The following IGLON5 variants were observed in gnomAD, a reference collection of about 807,000 sequenced individuals.
IGLON5 encodes the protein Ig-like domain-containing protein ENSP00000270642.
IGLON5 carries 16 observed loss-of-function variants against 38.2 expected under a neutral mutation model. The observed-to-expected ratio is 0.42, with a 90% CI of 0.28 to 0.64. IGLON5 has a LOEUF of 0.64. Among genes scored for constraint, IGLON5 ranks in the 30% least tolerant of loss-of-function variants. IGLON5 has a pLI of 0.23. For missense variants in IGLON5, 366 were observed against 483.4 expected (o/e 0.76, Z 2.28); for synonymous variants, 207 against 216.4 (o/e 0.96, Z 0.38).
chr19:51,321,236 G>A (rs1292089545), intron 1 of IGLON5, among the ~76,000 whole-genome samples: 2 of 152,266 alleles, frequency 1.3e-5, no homozygotes, highest in South Asian at 2.1e-4. Context: ...GGAGTGCAAT[G>A]GCGTGATCTT....
chr19:51,322,017 G>C (rs369347668), intron 1 of IGLON5, 47 bp from the exon 2 acceptor site: 1 of 1,494,188 alleles, frequency 6.7e-7, no homozygotes, highest in Non-Finnish European at 9.3e-7. Flanking sequence ...TACCATGCCC[G>C]GGCCTTGCCT....
At position 51,326,754 on chromosome 19, in the gene IGLON5, C is replaced by A. The variant is rs762610924; in HGVS notation, c.512-10C>A. On this transcript the variant is annotated splice_polypyrimidine_tract_variant and intron_variant, in intron 4 of 7. Transcript: ENST00000270642. ...CCGGCCCCGCCCCCTCCTCCTCCTT[C>A]CCCCCACAGACGGCTTCACCTCGGA... 5 of 1,543,218 alleles carry A rather than the reference C, an allele frequency of 3.2e-6. No homozygotes were observed. The highest frequency in any genetic ancestry group is 1.7e-6 in the Non-Finnish European group (2 of 1,143,390).
rs938177009 is a variant in IGLON5 at position 51,324,960 on chromosome 19, AAAT to A, written c.392-377_392-375del. Among the ~76,000 whole-genome samples, 6 of 152,044 alleles carry A rather than the reference AAAT, an allele frequency of 3.9e-5. No individual in the cohort carries two copies. The highest frequency in any genetic ancestry group is 1.2e-4 in the African/African-American group (5 of 41,392). On this transcript the variant is annotated intron_variant, in intron 3 of 7. Coordinates refer to ENST00000270642, the MANE Select transcript of IGLON5 (RefSeq NM_001101372.3). The surrounding 1 kb of genome is among the most constrained non-coding windows in gnomAD (Gnocchi z 4.2). ...GGTATTTGTTAAATAAATTTATTTA[AAAT>A]AATAATAAATACAAATAGAGACGGG...
At chr19:51,313,614 T>C (rs1984824864) in intron 1 of IGLON5, among the ~76,000 whole-genome samples, 2 of 149,594 alleles carry the variant, frequency 1.3e-5, no homozygotes, top group African/African-American at 5.1e-5. Context: ...TCTTTCTTTC[T>C]TTCCTTCTTT....
In IGLON5 at chr19:51,311,965, C is replaced by T. The variant is rs971335741; in HGVS notation, c.79+39C>T. ...GGGGGCGGGGGGCTCGGCCGGGACG[C>T]CAGGGTCTTGGGTGGGTAATCGGGG... On this transcript the variant is annotated intron_variant, in intron 1 of 7. Coordinates refer to ENST00000270642, the MANE Select transcript of IGLON5 (RefSeq NM_001101372.3). 8.6e-5 allele frequency: 102 copies of T among 1,180,880 alleles called. No individual in the cohort carries two copies. The Middle Eastern group carries it at 9.2e-4, about 11-fold the overall frequency. The allele number at this position is 1,180,880 out of a possible 1,614,324, so 73.2% of individuals were successfully genotyped here.
Position 51,327,162 on chromosome 19 carries a change from T to TC in IGLON5, c.735dup (p.Ala246ArgfsTer9). ...TCCTGCGCTGCGAAGCCATGGCGGT[T>TC]CCCCCCGCGGATTTCCAGTGGTACA... is the stretch of plus-strand genomic sequence containing the variant. On this transcript the variant is annotated frameshift_variant, in exon 6 of 8. Coordinates refer to ENST00000270642, the MANE Select transcript of IGLON5 (RefSeq NM_001101372.3). LOFTEE classifies it high-confidence loss of function. This position sits in a 1 kb window ranked among gnomAD's most constrained non-coding sequence, Gnocchi z 7.1. The TC allele has an allele frequency of 1.2e-6, 2 of 1,612,268 alleles. No homozygotes were observed. Among genetic ancestry groups the TC allele is most frequent in the Non-Finnish European group, 8.5e-7 (1 of 1,179,630 alleles).
At chr19:51,323,332 CTCTGTCCCTCTCTCTA>C (rs1985125576) in intron 2 of IGLON5, among the ~76,000 whole-genome samples, 1 of 152,030 alleles carries the variant, frequency 6.6e-6, no homozygotes, top group African/African-American at 2.4e-5. Flanking sequence ...CTCTCTGGGT[CTCTGTCCCTCTCTCTA>C]GGTCTCTTTC....
At chr19:51,313,637 C>CTTTTT in intron 1 of IGLON5, among the ~76,000 whole-genome samples, 1 of 110,192 alleles carries the variant, frequency 9.1e-6, no homozygotes, top group African/African-American at 6.2e-5. Context: ...CTTTTTCTCT[C>CTTTTT]TCTCTCTCTT....
rs1985177816 is a variant in IGLON5, at chr19:51,325,054, A to C, written c.392-292A>C. The stretch of plus-strand genomic sequence containing the variant: ...ATGAAGGTGGAGAGAGAATAGAGAC[A>C]AGACCAGCAATTAGACAAGAAGATG... On this transcript the variant is annotated intron_variant, in intron 3 of 7. Coordinates refer to ENST00000270642, the MANE Select transcript of IGLON5 (RefSeq NM_001101372.3). The surrounding 1 kb of genome is among the most constrained non-coding windows in gnomAD (Gnocchi z 5.5). Among the ~76,000 whole-genome samples the C allele has an allele frequency of 6.6e-6, 1 of 152,116 alleles. No homozygotes were observed. The highest frequency in any genetic ancestry group is 2.4e-5 in the African/African-American group (1 of 41,426).
At chr19:51,323,553 TG>T in intron 2 of IGLON5, 108 bp from the exon 3 acceptor site, 1 of 848,318 alleles carries the variant, frequency 1.2e-6, no homozygotes, top group Non-Finnish European at 1.9e-6. Flanking sequence ...CACAGGGCTG[TG>T]GTGGGACCTG....
chr19:51,315,987 C>A (rs2123513694), intron 1 of IGLON5, among the ~76,000 whole-genome samples: 1 of 151,980 alleles, frequency 6.6e-6, no homozygotes, highest in East Asian at 1.9e-4. Flanking sequence ...AGCCACCACG[C>A]CCCGCCGGAA....
At chr19:51,319,709 G>T (rs893800285) in intron 1 of IGLON5, among the ~76,000 whole-genome samples, 6 of 152,124 alleles carry the variant, frequency 3.9e-5, no homozygotes, top group African/African-American at 1.4e-4. Flanking sequence ...CAATATGAGC[G>T]CTCCTGGGAC....
chr19:51,319,288 A>G (rs546508220), intron 1 of IGLON5, among the ~76,000 whole-genome samples: 37 of 137,250 alleles, frequency 2.7e-4, no homozygotes, highest in African/African-American at 1.1e-3. Context: ...TGACTTTCCA[A>G]TTCCCTGTGT....
intron 1 of IGLON5, among the ~76,000 whole-genome samples, chr19:51,312,636 C>A (rs10403256): frequency 6.6e-6 from 1 of 151,902 alleles, no homozygotes; most frequent in African/African-American, 2.4e-5. Flanking sequence ...CTTGGATTCC[C>A]AAGCTCTGAT....
intron 1 of IGLON5, among the ~76,000 whole-genome samples, chr19:51,318,883 C>G (rs945733990): frequency 1.3e-5 from 2 of 152,292 alleles, no homozygotes; most frequent in East Asian, 3.9e-4. Flanking sequence ...TTGGACAGCT[C>G]CCTCTTCCCC....
At position 51,328,847 on chromosome 19, in the gene IGLON5, G is replaced by T. The variant is rs1985280527; in HGVS notation, c.*88G>T. 5 of 860,772 alleles carry T rather than the reference G, an allele frequency of 5.8e-6. No homozygotes were observed. Among genetic ancestry groups the T allele is most frequent in the South Asian group, 3.6e-5 (2 of 55,132 alleles). The allele number at this position is 860,772 out of a possible 1,614,324, so 53.3% of individuals were successfully genotyped here. A position where few individuals can be genotyped will look rare whatever the true frequency, so the allele number is the denominator to read the frequency against. On this transcript the variant is annotated 3_prime_UTR_variant, in exon 8 of 8. Coordinates refer to ENST00000270642, the MANE Select transcript of IGLON5 (RefSeq NM_001101372.3). ...GGGGAGCAAGAGCCGTGGGTCTCGT[G>T]GGGGCAGAAGAGCTCTCGGCCACCA... is the stretch of plus-strand genomic sequence containing the variant.
chr19:51,321,938 G>T, intron 1 of IGLON5, 126 bp from the exon 2 acceptor site: 5 of 769,464 alleles, frequency 6.5e-6, no homozygotes, highest in Non-Finnish European at 1.1e-5. Flanking sequence ...TGTGGTGCAT[G>T]TGTGTGGCAG....
In IGLON5 at chr19:51,327,611, G is replaced by T; in HGVS notation, c.768-121G>T. On this transcript the variant is annotated intron_variant, in intron 6 of 7. Transcript: ENST00000270642. This position sits in a 1 kb window ranked among gnomAD's most constrained non-coding sequence, Gnocchi z 7.1. ...GGTACATGAGGTGCTAGAACCCGAG[G>T]CGATGGGTCACTGGGGTAGGGGGCA... 1 of 1,387,040 alleles carries T rather than the reference G, an allele frequency of 7.2e-7. No homozygotes were observed. Among genetic ancestry groups the T allele is most frequent in the Non-Finnish European group, 9.7e-7 (1 of 1,035,220 alleles). 85.9% of individuals were successfully genotyped at this position (1,387,040 alleles called of 1,614,324 possible).
intron 1 of IGLON5, 114 bp from the exon 2 acceptor site, chr19:51,321,950 G>A (rs895554842): frequency 3.5e-5 from 29 of 836,404 alleles, no homozygotes; most frequent in African/African-American, 1.5e-4. Context: ...GTGTGGCAGC[G>A]GGTGCAGGAG....
Sources: allele counts gnomAD v4.1 joint callset (sites outside exome capture counted in the v4.1 genomes callset), GRCh38; gene constraint gnomAD v4.1.1; non-coding constraint Gnocchi (gnomAD v3.1); transcripts MANE v1.5; gene names NCBI Gene and HGNC (gene_info 2026-07-23, HGNC 2026-07-21).